The following CPVL variants were observed in gnomAD, a reference collection of about 807,000 sequenced individuals.
The protein encoded by CPVL is probable serine carboxypeptidase CPVL.
In CPVL, 51 loss-of-function variants were observed where a neutral mutation model predicts 63.7. That is an observed-to-expected ratio of 0.80 (90% confidence interval 0.64 to 1.01). The LOEUF (loss-of-function observed/expected upper bound fraction) is 1.01. CPVL is among the 50% of genes least tolerant of loss of function. The pLI is 0.00. For synonymous variants in CPVL, 195 were observed against 206.0 expected (o/e 0.95, Z 0.46); for missense variants, 530 against 573.1 (o/e 0.92, Z 0.77).
At chr7:29,018,047 T>C (rs557234608) in intron 12 of CPVL, among the ~76,000 whole-genome samples, 77 of 152,220 alleles carry the variant, frequency 5.1e-4, no homozygotes, top group Non-Finnish European at 9.6e-4. Context: ...ATGGAATTGA[T>C]ATTGACAGTG....
intron 11 of CPVL, among the ~76,000 whole-genome samples, chr7:29,039,010 AC>A (rs1277433337): frequency 1.3e-5 from 2 of 152,066 alleles, no homozygotes; most frequent in East Asian, 3.8e-4. Flanking sequence ...GAAAGCTGTG[AC>A]CCCTGTCTTT....
intron 1 of CPVL, among the ~76,000 whole-genome samples, chr7:29,144,008 G>A (rs1304530443): frequency 6.6e-6 from 1 of 152,164 alleles, no homozygotes; most frequent in Non-Finnish European, 1.5e-5. Context: ...TGCAAATATA[G>A]TATAAAAGTT....
At chr7:29,186,928 C>T (rs1228876070) in intron 1 of CPVL, among the ~76,000 whole-genome samples, 1 of 152,058 alleles carries the variant, frequency 6.6e-6, no homozygotes, top group Admixed American at 6.6e-5. Context: ...AGTTGTTGAG[C>T]ATTTTAATTA....
Position 29,190,947 on chromosome 7 carries a change from T to C in CPVL, c.-448+4130A>G, listed in dbSNP as rs865838883. Reference sequence around the variant, plus strand: ...CTGCCCCCACCATGCTTTTTTTTTTTTCCCTGAGACAGGGCCTCACTCTGT... The same window carrying C: ...CTGCCCCCACCATGCTTTTTTTTTTCTCCCTGAGACAGGGCCTCACTCTGT... On this transcript the variant is annotated intron_variant, in intron 1 of 16. Coordinates refer to the CPVL transcript ENST00000409850. 2.6e-5 allele frequency among the ~76,000 whole-genome samples: 4 copies of C among 152,134 alleles called. No homozygotes were observed. The South Asian group carries it at 8.3e-4, about 32-fold the overall frequency.
chr7:29,015,500 T>C (rs317694), intron 12 of CPVL, among the ~76,000 whole-genome samples: 67,286 of 151,894 alleles, frequency 0.44, 16,442 homozygotes, highest in African/African-American at 0.66. Context: ...GGTTTAAAGG[T>C]GTGTGGCATC....
At chr7:29,076,635 G>A (rs77037533) in intron 7 of CPVL, among the ~76,000 whole-genome samples, 4 of 152,290 alleles carry the variant, frequency 2.6e-5, no homozygotes, top group Non-Finnish European at 5.9e-5. Context: ...TTCAAGCTGC[G>A]ATTTCCAGCA....
rs11974802 is a variant in CPVL at position 29,180,196 on chromosome 7, A to T, written c.-11+1094T>A. ...AACATTTTAATAATATTGTGAATCA[A>T]ATTTAGAATATTTTTAAAATGTGAT... On this transcript the variant is annotated intron_variant, in intron 5 of 16. Transcript: ENST00000409850. Among the ~76,000 whole-genome samples, 4 of 152,122 alleles carry T rather than the reference A, an allele frequency of 2.6e-5. No homozygotes were observed. In the East Asian group the frequency reaches 7.7e-4, roughly 29 times the overall value.
chr7:29,104,319 T>C (rs1459710489), intron 3 of CPVL, among the ~76,000 whole-genome samples: 1 of 152,206 alleles, frequency 6.6e-6, no homozygotes, highest in Non-Finnish European at 1.5e-5. Flanking sequence ...TGGAGTGCAA[T>C]GGCACGACTT....
At chr7:29,086,164 C>T (rs913060331) in intron 7 of CPVL, among the ~76,000 whole-genome samples, 10 of 152,082 alleles carry the variant, frequency 6.6e-5, no homozygotes, top group African/African-American at 2.4e-4. Context: ...TGGTGGCAGG[C>T]GCCTGTAATC....
At chr7:29,087,043 T>A (rs2128598064) in intron 6 of CPVL, among the ~76,000 whole-genome samples, 1 of 152,008 alleles carries the variant, frequency 6.6e-6, no homozygotes, top group East Asian at 1.9e-4. Context: ...TGACTATAAT[T>A]TAAAAGAAAA....
At chr7:29,129,595 A>T (rs771386896) in intron 1 of CPVL, among the ~76,000 whole-genome samples, 14 of 151,692 alleles carry the variant, frequency 9.2e-5, no homozygotes, top group Non-Finnish European at 1.6e-4. Context: ...CAGCCTCCCA[A>T]GTAGCTGGGG....
intron 7 of CPVL, among the ~76,000 whole-genome samples, chr7:29,084,261 C>T (rs1415002381): frequency 6.6e-6 from 1 of 152,232 alleles, no homozygotes; most frequent in African/African-American, 2.4e-5. Context: ...ACCACAGCAG[C>T]TCTGTGCTTT....
intron 12 of CPVL, among the ~76,000 whole-genome samples, chr7:29,005,897 C>A (rs1785147994): frequency 6.6e-6 from 1 of 152,180 alleles, no homozygotes; most frequent in Non-Finnish European, 1.5e-5. Flanking sequence ...GCTTTATGAT[C>A]TACATTTGTA....
In CPVL at chr7:29,004,526, T is replaced by C. The variant is rs963795833; in HGVS notation, c.1321-8644A>G. 4.6e-5 allele frequency among the ~76,000 whole-genome samples: 7 copies of C among 152,234 alleles called. No individual in the cohort carries two copies. In the South Asian group the frequency reaches 1.2e-3, roughly 27 times the overall value. ...AAGCTTTCTCTTTCCTTGGGCAGTATAGTTAATGAAAATCTAAAAGCAGAG... is the reference window on the plus strand; with the variant it reads ...AAGCTTTCTCTTTCCTTGGGCAGTACAGTTAATGAAAATCTAAAAGCAGAG... On this transcript the variant is annotated intron_variant, in intron 12 of 12. Coordinates refer to ENST00000265394, the MANE Select transcript of CPVL (RefSeq NM_031311.5).
chr7:29,009,070 C>T (rs1013780642), intron 12 of CPVL: 2 of 151,154 alleles, frequency 1.3e-5, no homozygotes, highest in Admixed American at 1.3e-4. Context: ...TAGCCAACCT[C>T]AGCACAGGAC....
rs35159645 is a variant in CPVL at position 29,162,661 on chromosome 7, CAA to C, written c.-11+18627_-11+18628del. ...GGGCAACAAGAGTGAAACTCCATCTCAAAAAAAAAAAAAAAAAAAGAACATTA... is the reference window on the plus strand; with the variant it reads ...GGGCAACAAGAGTGAAACTCCATCTCAAAAAAAAAAAAAAAAAGAACATTA... On this transcript the variant is annotated intron_variant, in intron 5 of 16. Coordinates refer to the CPVL transcript ENST00000409850. Among the ~76,000 whole-genome samples, 115 of 58,350 alleles carry C rather than the reference CAA, an allele frequency of 2.0e-3. 1 individual carries two copies. The highest frequency in any genetic ancestry group is 9.1e-3 in the Middle Eastern group (1 of 110). 38.3% of individuals were successfully genotyped at this position (58,350 alleles called of 152,430 possible). A position where few individuals can be genotyped will look rare whatever the true frequency, so the allele number is the denominator to read the frequency against.
intron 11 of CPVL, among the ~76,000 whole-genome samples, chr7:29,048,969 G>A (rs1287320927): frequency 2.0e-5 from 3 of 152,034 alleles, no homozygotes; most frequent in African/African-American, 4.8e-5. Flanking sequence ...CAAGCTGAAC[G>A]ACAATAATGA....
At chr7:29,041,508 C>T (rs1216443528) in intron 11 of CPVL, among the ~76,000 whole-genome samples, 3 of 152,190 alleles carry the variant, frequency 2.0e-5, no homozygotes, top group African/African-American at 7.2e-5. Flanking sequence ...TAAGGGTCAT[C>T]TCCAAAGACT....
At chr7:29,092,806 G>T in intron 5 of CPVL, 104 bp from the exon 6 acceptor site, 2 of 826,158 alleles carry the variant, frequency 2.4e-6, no homozygotes, top group Non-Finnish European at 4.1e-6. Flanking sequence ...CAAAGGCCAA[G>T]CTCAGACTTC....
Sources: gnomAD v4.1 joint callset for allele counts (sites outside exome capture counted in the v4.1 genomes callset) on GRCh38, gnomAD v4.1.1 for gene constraint, MANE v1.5 for transcripts, NCBI Gene and HGNC (gene_info 2026-07-23, HGNC 2026-07-21) for gene names.